The following PLSCR2 variants were observed in gnomAD, a reference collection of about 807,000 sequenced individuals.
PLSCR2 encodes phospholipid scramblase 2.
In PLSCR2, 18 loss-of-function variants were observed where a neutral mutation model predicts 25.3. That is an observed-to-expected ratio of 0.71 (90% CI 0.49 to 1.06). The LOEUF is 1.06. Ranked by LOEUF, PLSCR2 falls within the 50% of genes least tolerant of loss-of-function variation. The pLI is 0.00. For synonymous variants in PLSCR2, 88 were observed against 87.3 expected (o/e 1.01, Z -0.04); for missense variants, 243 against 269.5 (o/e 0.90, Z 0.69).
downstream of PLSCR2, among the ~76,000 whole-genome samples, chr3:146,431,453 G>T (rs1368172289): frequency 6.6e-6 from 1 of 152,146 alleles, no homozygotes; most frequent in African/African-American, 2.4e-5. Flanking sequence ...GCTGCATGAT[G>T]ACATGATTAA....
At chr3:146,484,180 T>C (rs1231248097) in intron 1 of PLSCR2, among the ~76,000 whole-genome samples, 3 of 147,862 alleles carry the variant, frequency 2.0e-5, no homozygotes, top group South Asian at 2.2e-4. Flanking sequence ...AAGCAGAAAA[T>C]AAAATATCAG....
At chr3:146,445,557 C>A (rs1371960106) in intron 6 of PLSCR2, among the ~76,000 whole-genome samples, 1 of 151,590 alleles carries the variant, frequency 6.6e-6, no homozygotes, top group Non-Finnish European at 1.5e-5. Flanking sequence ...TTTTCTCTTG[C>A]TGCTTTTAGG....
chr3:146,428,734 C>G (rs182758450), downstream of PLSCR2, among the ~76,000 whole-genome samples: 88 of 152,336 alleles, frequency 5.8e-4, 1 homozygote, highest in Admixed American at 1.8e-3. Context: ...AGATGCTAGT[C>G]TACACTTCTG....
intron 2 of PLSCR2, among the ~76,000 whole-genome samples, chr3:146,406,301 C>A (rs1242930840): frequency 1.3e-5 from 2 of 152,060 alleles, no homozygotes; most frequent in Non-Finnish European, 2.9e-5. Flanking sequence ...ATTTTGGAGT[C>A]CTTTTTTCTG....
rs144847435 is a variant in PLSCR2 at position 146,489,457 on chromosome 3, C to T, written c.-293+6438G>A. On this transcript the variant is annotated intron_variant, in intron 1 of 8. Coordinates refer to the PLSCR2 transcript ENST00000336685. ...GGGAACTTGTAGACCAGTAAAATGG[C>T]AGCAATTCTTAGAGGATAAAAATTT... Among the ~76,000 whole-genome samples the T allele has an allele frequency of 4.5e-4, 69 of 152,170 alleles. 1 individual carries two copies. In the East Asian group the frequency reaches 0.011, roughly 24 times the overall value.
chr3:146,414,691 T>A (rs1245997454), intron 2 of PLSCR2, among the ~76,000 whole-genome samples: 3 of 152,174 alleles, frequency 2.0e-5, no homozygotes, highest in African/African-American at 7.2e-5. Context: ...AGGTAAACAG[T>A]TAAATTCTAA....
intron 1 of PLSCR2, among the ~76,000 whole-genome samples, chr3:146,486,744 A>T (rs2043358618): frequency 6.6e-6 from 1 of 152,138 alleles, no homozygotes; most frequent in South Asian, 2.1e-4. Flanking sequence ...AAATACAAAG[A>T]GGGACTGGTA....
chr3:146,471,490 G>T (rs1379863956), intron 1 of PLSCR2, among the ~76,000 whole-genome samples: 5 of 151,294 alleles, frequency 3.3e-5, no homozygotes, highest in African/African-American at 4.9e-5. Flanking sequence ...ATTGTTGTTG[G>T]ATTGGGATTT....
intron 1 of PLSCR2, among the ~76,000 whole-genome samples, chr3:146,469,784 C>A (rs990098108): frequency 1.7e-4 from 20 of 115,278 alleles, no homozygotes; most frequent in African/African-American, 4.5e-4. Flanking sequence ...GCACCCACCC[C>A]CCCACGCCGT....
intron 6 of PLSCR2, among the ~76,000 whole-genome samples, chr3:146,444,473 G>A (rs2040426959): frequency 6.6e-6 from 1 of 151,492 alleles, no homozygotes; most frequent in Non-Finnish European, 1.5e-5. Flanking sequence ...ATTTACAATT[G>A]TTACATCTTC....
At chr3:146,482,751 G>T (rs1453887002) in intron 1 of PLSCR2, among the ~76,000 whole-genome samples, 1 of 152,016 alleles carries the variant, frequency 6.6e-6, no homozygotes, top group Non-Finnish European at 1.5e-5. Flanking sequence ...TTATAAATCA[G>T]GCTGCTATAA....
chr3:146,393,403 G>A (rs1171006089), intron 3 of PLSCR2, among the ~76,000 whole-genome samples: 1 of 151,890 alleles, frequency 6.6e-6, no homozygotes, highest in African/African-American at 2.4e-5. Context: ...ATATACTAAG[G>A]TCTAAATGAT....
At position 146,393,633 on chromosome 3, in the gene PLSCR2, ACTT is replaced by A. The variant is rs778391862; in HGVS notation, c.*146-2074_*146-2072del. ...AGACCATCCTGGCCAACATGGTGAAACTTCTTCTCTACTAAAACTACAAAAATT... is the reference window on the plus strand; with the variant it reads ...AGACCATCCTGGCCAACATGGTGAAACTTCTCTACTAAAACTACAAAAATT... On this transcript the variant is annotated intron_variant and NMD_transcript_variant, in intron 3 of 3. Transcript: ENST00000463633. Among the ~76,000 whole-genome samples the A allele has an allele frequency of 6.0e-4, 91 of 151,756 alleles. No homozygotes were observed. In the Middle Eastern group the frequency reaches 0.014, roughly 23 times the overall value.
intron 8 of PLSCR2, among the ~76,000 whole-genome samples, chr3:146,434,596 T>C (rs909923219): frequency 6.6e-5 from 10 of 151,982 alleles, no homozygotes; most frequent in African/African-American, 2.4e-4. Flanking sequence ...CCTTAATATA[T>C]ACAAAAATAA....
Position 146,403,925 on chromosome 3 carries a change from T to C in PLSCR2, c.101-8004A>G, listed in dbSNP as rs79839868. ...ACTTCCTCGTAAAACAACCTTTTCCTATTACCTGCTCCACCCTAACTCATT... is the reference window on the plus strand; with the variant it reads ...ACTTCCTCGTAAAACAACCTTTTCCCATTACCTGCTCCACCCTAACTCATT... On this transcript the variant is annotated intron_variant and NMD_transcript_variant, in intron 2 of 3. Coordinates refer to the PLSCR2 transcript ENST00000463633. Among the ~76,000 whole-genome samples the C allele has an allele frequency of 5.8e-3, 885 of 152,326 alleles. 11 individuals carry two copies. Among genetic ancestry groups the C allele is most frequent in the African/African-American group, 0.02 (842 of 41,576 alleles).
At chr3:146,405,575 GT>G (rs892927966) in intron 2 of PLSCR2, among the ~76,000 whole-genome samples, 2 of 152,182 alleles carry the variant, frequency 1.3e-5, no homozygotes, top group African/African-American at 4.8e-5. Flanking sequence ...CCCCACTGGT[GT>G]TTTTGGGGAA....
chr3:146,393,669 C>T (rs1011862037), intron 3 of PLSCR2, among the ~76,000 whole-genome samples: 3 of 151,608 alleles, frequency 2.0e-5, no homozygotes, highest in Admixed American at 1.3e-4. Context: ...ATTAGCTGGG[C>T]GTGGTGGCAT....
In PLSCR2 at chr3:146,449,479, C is replaced by T. The variant is rs565119831; in HGVS notation, c.484-112G>A. On this transcript the variant is annotated intron_variant, in intron 5 of 6. Coordinates refer to ENST00000610787, the Ensembl canonical transcript of PLSCR2. Reference sequence around the variant, plus strand: ...TATTATAGTACATTTATGCACCATACATGAGTATACAGTTAATATGTTATA... The same window carrying T: ...TATTATAGTACATTTATGCACCATATATGAGTATACAGTTAATATGTTATA... The T allele has an allele frequency of 3.2e-5, 21 of 651,146 alleles. No homozygotes were observed. In the East Asian group the frequency reaches 5.7e-4, roughly 18 times the overall value. The allele number at this position is 651,146 out of a possible 1,614,324, so 40.3% of individuals were successfully genotyped here.
rs2042026674 is a variant in PLSCR2, at chr3:146,469,569, G to C, written c.-292-9285C>G. On this transcript the variant is annotated intron_variant, in intron 1 of 8. Coordinates refer to the PLSCR2 transcript ENST00000336685. ...CGTGGCTTCCTCCCGTCTGCCCCGT[G>C]ACTGCCAGGCACACCTGTTGCACAG... The C allele has an allele frequency of 4.1e-6, 4 of 985,442 alleles. No individual in the cohort carries two copies. In the South Asian group the frequency reaches 1.9e-4, roughly 46 times the overall value. 61.0% of individuals were successfully genotyped at this position (985,442 alleles called of 1,614,324 possible). A position where few individuals can be genotyped will look rare whatever the true frequency, so the allele number is the denominator to read the frequency against.
Sources: allele counts gnomAD v4.1 joint callset (sites outside exome capture counted in the v4.1 genomes callset), GRCh38; gene constraint gnomAD v4.1.1; transcripts MANE v1.5; gene names NCBI Gene and HGNC (gene_info 2026-07-23, HGNC 2026-07-21).